SHC3: variants seen among roughly 807,000 people sequenced by gnomAD.
SHC3 encodes SHC adaptor protein 3.
SHC3 carries 15 observed loss-of-function variants against 60.4 expected under a neutral mutation model. That is an observed-to-expected ratio of 0.25 (90% CI 0.17 to 0.38). SHC3 has a LOEUF of 0.38. Ranked by LOEUF, SHC3 falls within the 10% of genes least tolerant of loss-of-function variation. The pLI is 1.00. For missense variants in SHC3, 677 were observed against 786.1 expected (o/e 0.86, Z 1.66); for synonymous variants, 294 against 325.9 (o/e 0.90, Z 1.05).
intron 6 of SHC3, among the ~76,000 whole-genome samples, chr9:89,058,673 G>A (rs1302405148): frequency 1.3e-5 from 2 of 149,014 alleles, no homozygotes; most frequent in African/African-American, 4.9e-5. Flanking sequence ...GAGGATGGTG[G>A]TGTAGGATGT....
intron 2 of SHC3, among the ~76,000 whole-genome samples, chr9:89,090,355 A>G (rs1045047926): frequency 6.6e-6 from 1 of 152,196 alleles, no homozygotes; most frequent in African/African-American, 2.4e-5. Flanking sequence ...TGATGTGCCA[A>G]CGGCTTTGGA....
chr9:89,140,815 C>A (rs748505938), intron 1 of SHC3, among the ~76,000 whole-genome samples: 1 of 151,950 alleles, frequency 6.6e-6, no homozygotes. Context: ...TCTCTTATGT[C>A]GGCATTAACA....
intron 11 of SHC3, among the ~76,000 whole-genome samples, chr9:89,035,838 T>G (rs2117863497): frequency 9.2e-6 from 1 of 108,660 alleles, no homozygotes; most frequent in East Asian, 2.4e-4. Flanking sequence ...AAAATATATA[T>G]ATATATATAT....
rs186193971 is a variant in SHC3, at chr9:89,017,273, C to T, written c.1657-3698G>A. On this transcript the variant is annotated intron_variant, in intron 11 of 11. Transcript: ENST00000375835. ...TACTACAAGGCTACAGTAACCAAAA[C>T]AGCACGGTACTAGTACTGAAACAGA... is the stretch of plus-strand genomic sequence containing the variant. Among the ~76,000 whole-genome samples, 1,183 of 152,320 alleles carry T rather than the reference C, an allele frequency of 7.8e-3. 6 individuals are homozygous for T. Among genetic ancestry groups the T allele is most frequent in the Non-Finnish European group, 0.011 (736 of 68,020 alleles).
intron 1 of SHC3, among the ~76,000 whole-genome samples, chr9:89,138,447 A>G (rs115108257): frequency 0.013 from 2,038 of 152,312 alleles, 20 homozygotes; most frequent in South Asian, 0.034. Flanking sequence ...GTGAACTGTC[A>G]TGGAGCTGGT....
intron 1 of SHC3, among the ~76,000 whole-genome samples, chr9:89,169,886 T>C (rs1826843851): frequency 6.6e-6 from 1 of 152,196 alleles, no homozygotes; most frequent in African/African-American, 2.4e-5. Flanking sequence ...TTACAAGGCA[T>C]GTTACAAGGT....
At chr9:89,104,149 T>C (rs1377513272) in intron 2 of SHC3, among the ~76,000 whole-genome samples, 1 of 152,064 alleles carries the variant, frequency 6.6e-6, no homozygotes, top group African/African-American at 2.4e-5. Flanking sequence ...TTTTTAAAAT[T>C]TCTGGATGAG....
chr9:89,121,684 A>G (rs1304210379), intron 1 of SHC3, among the ~76,000 whole-genome samples: 1 of 152,262 alleles, frequency 6.6e-6, no homozygotes, highest in African/African-American at 2.4e-5. Flanking sequence ...ATGAAAATGC[A>G]TAAAAAGAAT....
chr9:89,098,805 T>C (rs951805050), intron 2 of SHC3, among the ~76,000 whole-genome samples: 2 of 142,126 alleles, frequency 1.4e-5, no homozygotes, highest in Admixed American at 1.4e-4. Context: ...TGAGACCCCA[T>C]CTCAAAAAAA....
intron 2 of SHC3, among the ~76,000 whole-genome samples, chr9:89,090,342 A>T (rs1209481607): frequency 6.6e-6 from 1 of 152,194 alleles, no homozygotes; most frequent in African/African-American, 2.4e-5. Context: ...AGATCATGCC[A>T]CCTGATGTGC....
chr9:89,095,375 C>T (rs1825686271), intron 2 of SHC3, among the ~76,000 whole-genome samples: 1 of 152,172 alleles, frequency 6.6e-6, no homozygotes, highest in African/African-American at 2.4e-5. Flanking sequence ...TACTGTATGA[C>T]TCCACTCAGA....
chr9:89,159,663 A>C (rs1826675839), intron 1 of SHC3, among the ~76,000 whole-genome samples: 1 of 152,216 alleles, frequency 6.6e-6, no homozygotes, highest in Non-Finnish European at 1.5e-5. Flanking sequence ...CTGAGGAGCA[A>C]GGAGAGCCAG....
At chr9:89,143,139 A>G (rs538486802) in intron 1 of SHC3, among the ~76,000 whole-genome samples, 1 of 152,260 alleles carries the variant, frequency 6.6e-6, no homozygotes, top group East Asian at 1.9e-4. Context: ...AGCAGCCCCA[A>G]AGGGTGCTGG....
intron 1 of SHC3, among the ~76,000 whole-genome samples, chr9:89,140,337 C>A (rs184794904): frequency 6.8e-6 from 1 of 147,496 alleles, no homozygotes; most frequent in Non-Finnish European, 1.5e-5. Context: ...AAACAGATTC[C>A]CCCCCCCAGA....
chr9:89,115,915 A>T (rs1339792266), intron 1 of SHC3, among the ~76,000 whole-genome samples: 1 of 152,218 alleles, frequency 6.6e-6, no homozygotes, highest in East Asian at 1.9e-4. Flanking sequence ...GAATACAATG[A>T]TCAATATCAC....
chr9:89,147,249 C>T (rs1457188907), intron 1 of SHC3, among the ~76,000 whole-genome samples: 1 of 152,138 alleles, frequency 6.6e-6, no homozygotes, highest in Non-Finnish European at 1.5e-5. Flanking sequence ...GTGCCACACT[C>T]ATCTTGGTGC....
chr9:89,027,410 C>T (rs949419226), intron 11 of SHC3, among the ~76,000 whole-genome samples: 1 of 149,706 alleles, frequency 6.7e-6, no homozygotes, highest in Non-Finnish European at 1.5e-5. Context: ...GGCTGTGCCC[C>T]CCGGGTTCAC....
At chr9:89,136,115 G>A (rs1826316034) in intron 1 of SHC3, among the ~76,000 whole-genome samples, 1 of 151,676 alleles carries the variant, frequency 6.6e-6, no homozygotes, top group Non-Finnish European at 1.5e-5. Flanking sequence ...AGCCCCAGTA[G>A]TTAGGCAGGA....
intron 1 of SHC3, among the ~76,000 whole-genome samples, chr9:89,136,880 G>T (rs1826327487): frequency 6.6e-6 from 1 of 152,146 alleles, no homozygotes; most frequent in African/African-American, 2.4e-5. Flanking sequence ...CTGAGGCTGG[G>T]TGATTTATGA....
Sources: gnomAD v4.1 joint callset for allele counts (sites outside exome capture counted in the v4.1 genomes callset) on GRCh38, gnomAD v4.1.1 for gene constraint, MANE v1.5 for transcripts, NCBI Gene and HGNC (gene_info 2026-07-23, HGNC 2026-07-21) for gene names.